Variants in TYW1B observed in about 807,000 individuals in gnomAD.
TYW1B encodes tRNA-yW synthesizing protein 1 homolog B.
TYW1B carries 73 observed loss-of-function variants against 86.9 expected under a neutral mutation model. That is an observed-to-expected ratio of 0.84 (90% CI 0.70 to 1.02). The LOEUF (loss-of-function observed/expected upper bound fraction) is 1.02. TYW1B is among the 50% of genes least tolerant of loss of function. TYW1B has a pLI of 0.00. For missense variants in TYW1B, 637 were observed against 827.4 expected, an observed-to-expected ratio of 0.77 and a Z score of 2.82; for synonymous variants, 248 against 292.8, an observed-to-expected ratio of 0.85 and a Z score of 1.56.
Position 72,804,982 on chromosome 7 carries a change from G to A in TYW1B, c.723+2084C>T, listed in dbSNP as rs556715158. Reference sequence around the variant, plus strand: ...ACTTTTTCCAAAAGGAACCTATTTCGTCTTCACATCAAATCAAATCAAAAC... The same window carrying A: ...ACTTTTTCCAAAAGGAACCTATTTCATCTTCACATCAAATCAAATCAAAAC... On this transcript the variant is annotated intron_variant, in intron 5 of 13. Coordinates refer to ENST00000620995, the MANE Select transcript of TYW1B (RefSeq NM_001145440.3). Among the ~76,000 whole-genome samples the A allele has an allele frequency of 2.0e-4, 31 of 152,166 alleles. 1 individual carries two copies. The South Asian group carries it at 5.4e-3, about 26-fold the overall frequency.
chr7:72,822,162 C>CAAAAAAAAAAAAAAAAAAAA (rs782637112), intron 2 of TYW1B, among the ~76,000 whole-genome samples: 1 of 36,358 alleles, frequency 2.8e-5, no homozygotes, highest in Non-Finnish European at 5.5e-5. Context: ...GACCCTGTCT[C>CAAAAAAAAAAAAAAAAAAAA]AAAAAAAAAA....
At chr7:72,757,953 G>A (rs78951910) in intron 7 of TYW1B, among the ~76,000 whole-genome samples, 3,719 of 152,120 alleles carry the variant, frequency 0.024, 71 homozygotes, top group Middle Eastern at 0.051. Context: ...TAGGCCGGGC[G>A]TGGTGGCTCA....
chr7:72,728,549 C>T (rs1449669213), intron 9 of TYW1B, among the ~76,000 whole-genome samples: 7 of 152,236 alleles, frequency 4.6e-5, no homozygotes, highest in East Asian at 3.9e-4. Context: ...TCAGGTGATC[C>T]GCCCGCCTCG....
chr7:72,824,415 G>C (rs1788892082), intron 2 of TYW1B, among the ~76,000 whole-genome samples: 2 of 152,032 alleles, frequency 1.3e-5, no homozygotes. Flanking sequence ...GCCTGGACAA[G>C]ATTGCAAGAT....
At chr7:72,800,484 A>G (rs1788385616) in intron 6 of TYW1B, among the ~76,000 whole-genome samples, 2 of 152,094 alleles carry the variant, frequency 1.3e-5, no homozygotes, top group Non-Finnish European at 2.9e-5. Context: ...TTACAGGGTG[A>G]GCCACCGCAC....
chr7:72,644,248 TTTATAAAA>T (rs1272756912), intron 11 of TYW1B, among the ~76,000 whole-genome samples: 1 of 152,134 alleles, frequency 6.6e-6, no homozygotes, highest in Non-Finnish European at 1.5e-5. Context: ...TGGTGGAGTA[TTTATAAAA>T]AATCAACAGT....
At chr7:72,731,386 C>A (rs1585937724) in intron 8 of TYW1B, among the ~76,000 whole-genome samples, 14 of 31,932 alleles carry the variant, frequency 4.4e-4, no homozygotes, top group Admixed American at 8.6e-4. Flanking sequence ...GGAAGACTAC[C>A]AAACTGCAAA....
intron 13 of TYW1B, among the ~76,000 whole-genome samples, chr7:72,590,615 A>G (rs1254373482): frequency 2.0e-5 from 3 of 152,252 alleles, no homozygotes; most frequent in East Asian, 3.8e-4. Flanking sequence ...AACTGAAAAG[A>G]CTAAGTTCAT....
chr7:72,774,497 C>T (rs1554470206), intron 7 of TYW1B, among the ~76,000 whole-genome samples: 2 of 151,590 alleles, frequency 1.3e-5, no homozygotes, highest in East Asian at 1.9e-4. Flanking sequence ...CCAAGGTGGG[C>T]AGATCAGGAG....
chr7:72,620,257 C>T (rs1379099382), intron 12 of TYW1B, among the ~76,000 whole-genome samples: 4 of 151,968 alleles, frequency 2.6e-5, no homozygotes, highest in African/African-American at 4.8e-5. Context: ...ATTGGCTGGG[C>T]GTGGTGGTGC....
intron 13 of TYW1B, among the ~76,000 whole-genome samples, chr7:72,607,109 TAG>T (rs1257578319): frequency 3.3e-5 from 5 of 151,830 alleles, no homozygotes; most frequent in African/African-American, 1.2e-4. Context: ...ACACAATAAA[TAG>T]AAAGTTGGCT....
chr7:72,812,846 C>A (rs1221329108), intron 3 of TYW1B, among the ~76,000 whole-genome samples: 1 of 151,920 alleles, frequency 6.6e-6, no homozygotes, highest in Non-Finnish European at 1.5e-5. Context: ...CAGGCGTGCA[C>A]CACCATGGCT....
intron 6 of TYW1B, among the ~76,000 whole-genome samples, chr7:72,798,196 G>T (rs1788342597): frequency 6.6e-6 from 1 of 151,968 alleles, no homozygotes; most frequent in South Asian, 2.1e-4. Flanking sequence ...GAGGTCAGGA[G>T]ATCGAGACCA....
At chr7:72,810,693 G>C (rs1229773061) in intron 3 of TYW1B, 28 bp from the exon 4 acceptor site, 7 of 1,575,712 alleles carry the variant, frequency 4.4e-6, no homozygotes, top group Non-Finnish European at 6.0e-6. Context: ...TGTTTCAGTG[G>C]AACATACAAG....
chr7:72,678,631 T>C (rs1554447860), intron 11 of TYW1B, among the ~76,000 whole-genome samples: 3 of 149,060 alleles, frequency 2.0e-5, no homozygotes, highest in Non-Finnish European at 1.5e-5. Flanking sequence ...TTTTTTTTTT[T>C]TTTTTTTTTT....
chr7:72,756,201 T>TTTTTTTTTTATTTTA (rs1381484640), intron 7 of TYW1B, among the ~76,000 whole-genome samples: 1 of 138,788 alleles, frequency 7.2e-6, no homozygotes, highest in Non-Finnish European at 1.6e-5. Flanking sequence ...GTTTATTATT[T>TTTTTTTTTTATTTTA]TTTTATTTTA....
At chr7:72,816,538 G>A (rs1162144581) in intron 2 of TYW1B, among the ~76,000 whole-genome samples, 2 of 152,122 alleles carry the variant, frequency 1.3e-5, no homozygotes, top group Non-Finnish European at 2.9e-5. Context: ...AACAAAAGAT[G>A]GAATGAATAT....
At position 72,716,282 on chromosome 7, in the gene TYW1B, A is replaced by G. The variant is rs188308557; in HGVS notation, c.1193-2484T>C. On this transcript the variant is annotated intron_variant, in intron 9 of 13. Transcript: ENST00000620995. ...CATAACTTTCTTAGCTGTGAATGGT[A>G]AGTACCTTGAAGAATTTTTGTTGGG... 1.0e-3 allele frequency among the ~76,000 whole-genome samples: 153 copies of G among 152,332 alleles called. 1 individual carries two copies. Among genetic ancestry groups the G allele is most frequent in the African/African-American group, 3.4e-3 (143 of 41,574 alleles).
intron 8 of TYW1B, among the ~76,000 whole-genome samples, chr7:72,729,149 T>C (rs1787059777): frequency 2.6e-5 from 4 of 152,188 alleles, no homozygotes; most frequent in Admixed American, 2.6e-4. Flanking sequence ...CCCAGAGATG[T>C]TGGGCACCTA....
Sources: allele counts gnomAD v4.1 joint callset (sites outside exome capture counted in the v4.1 genomes callset), GRCh38; gene constraint gnomAD v4.1.1; transcripts MANE v1.5; gene names NCBI Gene and HGNC (gene_info 2026-07-23, HGNC 2026-07-21).